SCAMP1: variants seen among roughly 807,000 people sequenced by gnomAD.
SCAMP1 encodes secretory carrier-associated membrane protein 1.
A neutral mutation model predicts 41.8 loss-of-function variants in SCAMP1; 15 were observed. The observed-to-expected ratio is 0.36, with a 90% confidence interval of 0.24 to 0.55. The LOEUF is 0.55. SCAMP1 is among the 20% of genes least tolerant of loss of function. The probability of loss-of-function intolerance (pLI) is 0.86; values close to 1 mark genes in which losing one functional copy is unlikely to be tolerated. For missense variants in SCAMP1, 341 were observed against 412.6 expected (o/e 0.83, Z 1.50); for synonymous variants, 135 against 136.8 (o/e 0.99, Z 0.09).
At chr5:78,423,485 C>T (rs893011108) in intron 6 of SCAMP1, among the ~76,000 whole-genome samples, 1 of 152,146 alleles carries the variant, frequency 6.6e-6, no homozygotes, top group Non-Finnish European at 1.5e-5. Context: ...TGACCTCCAT[C>T]ACATTACCAA....
chr5:78,448,209 A>T (rs66548256), intron 6 of SCAMP1, among the ~76,000 whole-genome samples: 48,452 of 121,428 alleles, frequency 0.4, 10,760 homozygotes, highest in Non-Finnish European at 0.51. Flanking sequence ...GTTTTTTTTT[A>T]AAATAAAGAT....
chr5:78,384,180 CTT>C (rs57618539), intron 1 of SCAMP1, among the ~76,000 whole-genome samples: 2 of 65,268 alleles, frequency 3.1e-5, no homozygotes, highest in Admixed American at 2.1e-4. Context: ...AGTTTTTTTT[CTT>C]TTTTTTTTTT....
intron 8 of SCAMP1, among the ~76,000 whole-genome samples, chr5:78,474,980 G>A (rs1343179875): frequency 6.6e-6 from 1 of 152,094 alleles, no homozygotes; most frequent in East Asian, 1.9e-4. Context: ...AAGTTAAATT[G>A]TATACAGAGT....
intron 6 of SCAMP1, among the ~76,000 whole-genome samples, chr5:78,446,101 G>C (rs1753045953): frequency 6.6e-6 from 1 of 152,094 alleles, no homozygotes; most frequent in South Asian, 2.1e-4. Flanking sequence ...AATAAAACTA[G>C]ACAAAAGTAA....
chr5:78,385,069 A>G (rs1048983137), intron 1 of SCAMP1, among the ~76,000 whole-genome samples: 1 of 152,162 alleles, frequency 6.6e-6, no homozygotes, highest in African/African-American at 2.4e-5. Context: ...CTGTGAATCC[A>G]TCTGGCCATG....
chr5:78,432,375 G>A (rs1055135381), intron 6 of SCAMP1, among the ~76,000 whole-genome samples: 1 of 151,886 alleles, frequency 6.6e-6, no homozygotes, highest in African/African-American at 2.4e-5. Flanking sequence ...AATATTTTTG[G>A]TAGAACAGGT....
chr5:78,382,316 T>A (rs982959117), intron 1 of SCAMP1, among the ~76,000 whole-genome samples: 1 of 152,256 alleles, frequency 6.6e-6, no homozygotes, highest in African/African-American at 2.4e-5. Flanking sequence ...ATGTTCATTA[T>A]AAATGCTTTT....
intron 1 of SCAMP1, among the ~76,000 whole-genome samples, chr5:78,367,183 T>C (rs1217105029): frequency 1.3e-5 from 2 of 152,232 alleles, no homozygotes; most frequent in Non-Finnish European, 2.9e-5. Context: ...GCTGCTGTTA[T>C]ATTTCATCAA....
rs887568579 is a variant in SCAMP1 at position 78,480,003 on chromosome 5, T to A, written c.*4335T>A. On this transcript the variant is annotated 3_prime_UTR_variant, in exon 9 of 9. Transcript: ENST00000621999. ...GGAGCTTGCAGTGAGCCGAGATCTC[T>A]CCACTGCACTCCAGCCTGGGCGACA... 2.6e-5 allele frequency among the ~76,000 whole-genome samples: 4 copies of A among 151,086 alleles called. No individual in the cohort carries two copies. The highest frequency in any genetic ancestry group is 5.9e-5 in the Non-Finnish European group (4 of 67,886).
chr5:78,411,876 T>A (rs909623112), intron 2 of SCAMP1, among the ~76,000 whole-genome samples: 3 of 152,126 alleles, frequency 2.0e-5, no homozygotes, highest in African/African-American at 7.2e-5. Flanking sequence ...CATGTACTAG[T>A]GTATAATCCC....
At chr5:78,433,408 C>T (rs1346536661) in intron 6 of SCAMP1, among the ~76,000 whole-genome samples, 24 of 152,136 alleles carry the variant, frequency 1.6e-4, no homozygotes, top group Admixed American at 1.6e-3. Flanking sequence ...CCATCCTCCT[C>T]AGGGCACAGC....
chr5:78,362,142 G>T (rs1750672633), intron 1 of SCAMP1, among the ~76,000 whole-genome samples: 1 of 151,250 alleles, frequency 6.6e-6, no homozygotes, highest in Non-Finnish European at 1.5e-5. Context: ...CTTCCATGTT[G>T]TGGAAAATCA....
intron 8 of SCAMP1, among the ~76,000 whole-genome samples, chr5:78,461,138 C>T (rs909477180): frequency 2.6e-5 from 4 of 152,088 alleles, no homozygotes; most frequent in African/African-American, 7.2e-5. Flanking sequence ...TGAGCCACCA[C>T]GCCCAGCCTG....
chr5:78,364,951 A>T (rs1239798875), intron 1 of SCAMP1, among the ~76,000 whole-genome samples: 1 of 110,998 alleles, frequency 9.0e-6, no homozygotes, highest in East Asian at 2.4e-4. Flanking sequence ...TGGGTGCAGC[A>T]CACCAACATG....
intron 8 of SCAMP1, among the ~76,000 whole-genome samples, chr5:78,470,790 C>T (rs542215109): frequency 6.6e-6 from 1 of 152,280 alleles, no homozygotes; most frequent in South Asian, 2.1e-4. Context: ...AGCACTTTCT[C>T]TACATCCTTG....
In SCAMP1 at chr5:78,469,890, T is replaced by TAA. The variant is rs141989832; in HGVS notation, c.853-5593_853-5592dup. Among the ~76,000 whole-genome samples the TAA allele has an allele frequency of 1.3e-3, 19 of 15,018 alleles. 1 individual carries two copies. Among genetic ancestry groups the TAA allele is most frequent in the Admixed American group, 3.3e-3 (3 of 914 alleles). 9.9% of individuals were successfully genotyped at this position (15,018 alleles called of 152,430 possible). A position where few individuals can be genotyped will look rare whatever the true frequency, so the allele number is the denominator to read the frequency against. ...TACCCTCCAACCCCTTACAAGACAT[T>TAA]AAAAAAAAAAAAAAAAAAAAAACAA... is the stretch of plus-strand genomic sequence containing the variant. On this transcript the variant is annotated intron_variant, in intron 8 of 8. Coordinates refer to ENST00000621999, the MANE Select transcript of SCAMP1 (RefSeq NM_004866.6).
rs369506319 is a variant in SCAMP1 at position 78,429,209 on chromosome 5, A to G, written c.632+7249A>G. Among the ~76,000 whole-genome samples the G allele has an allele frequency of 1.1e-3, 161 of 152,160 alleles. 3 individuals are homozygous for G. In the South Asian group the frequency reaches 0.031, roughly 30 times the overall value. On this transcript the variant is annotated intron_variant, in intron 6 of 8. Transcript: ENST00000621999. Reference sequence around the variant, plus strand: ...AGTGAGAATAGAAGTAGGAGGAGTAACATCCATGCCTTATTCCCAATTTTA... The same window carrying G: ...AGTGAGAATAGAAGTAGGAGGAGTAGCATCCATGCCTTATTCCCAATTTTA...
At chr5:78,391,126 AC>A (rs1295083766) in intron 2 of SCAMP1, among the ~76,000 whole-genome samples, 2 of 151,818 alleles carry the variant, frequency 1.3e-5, no homozygotes, top group African/African-American at 2.4e-5. Context: ...ACTCCACAAA[AC>A]CGCCATTGTC....
At chr5:78,438,782 T>C (rs990135681) in intron 6 of SCAMP1, among the ~76,000 whole-genome samples, 1 of 152,182 alleles carries the variant, frequency 6.6e-6, no homozygotes, top group African/African-American at 2.4e-5. Flanking sequence ...TAACCTTCTG[T>C]CTTGTTGATC....
Sources: allele counts gnomAD v4.1 joint callset (sites outside exome capture counted in the v4.1 genomes callset), GRCh38; gene constraint gnomAD v4.1.1; transcripts MANE v1.5; gene names NCBI Gene and HGNC (gene_info 2026-07-23, HGNC 2026-07-21).